The following SINHCAF variants were observed in gnomAD, a reference collection of about 807,000 sequenced individuals.
SINHCAF encodes the protein SIN3-HDAC complex-associated factor.
Under a neutral mutation model 25.8 loss-of-function variants are expected in SINHCAF, and 3 were observed. The observed-to-expected ratio is 0.12, with a 90% confidence interval of 0.05 to 0.30. The LOEUF (loss-of-function observed/expected upper bound fraction) is 0.30, where lower values mean the gene tolerates loss of function less well. SINHCAF is among the 10% of genes least tolerant of loss of function. SINHCAF has a pLI of 1.00. For missense variants in SINHCAF, 121 were observed against 262.3 expected (o/e 0.46, Z 3.72); for synonymous variants, 70 against 85.5 (o/e 0.82, Z 1.00).
chr12:31,316,893 A>T (rs949008383), intron 1 of SINHCAF, among the ~76,000 whole-genome samples: 1 of 152,200 alleles, frequency 6.6e-6, no homozygotes, highest in African/African-American at 2.4e-5. Context: ...AAATCTTTAT[A>T]AGGGTGTTAA....
rs574363491 is a variant in SINHCAF, at chr12:31,307,926, T to C, written c.-20-9702A>G. On this transcript the variant is annotated intron_variant, in intron 1 of 5. Transcript: ENST00000337682. ...AGAGAAAGTTCATAGTTTGGGTGTC[T>C]TATTGCTGGGGCATTTATTAACCTT... Among the ~76,000 whole-genome samples, 3 of 152,234 alleles carry C rather than the reference T, an allele frequency of 2.0e-5. No homozygotes were observed. The East Asian group carries it at 5.8e-4, about 29-fold the overall frequency.
intron 4 of SINHCAF, 34 bp downstream of exon 4, chr12:31,293,771 T>G: frequency 6.4e-7 from 1 of 1,552,286 alleles, no homozygotes; most frequent in Non-Finnish European, 8.7e-7. Flanking sequence ...AACAAAACAA[T>G]TATTAAGTAC....
intron 1 of SINHCAF, chr12:31,304,100 A>ATT (rs1466736271): frequency 1.4e-5 from 2 of 143,966 alleles, no homozygotes; most frequent in African/African-American, 5.3e-5. Flanking sequence ...AACCTAGGCG[A>ATT]AAGAGCAAGA....
At chr12:31,293,151 C>T (rs1477674468) in intron 4 of SINHCAF, among the ~76,000 whole-genome samples, 1 of 151,736 alleles carries the variant, frequency 6.6e-6, no homozygotes, top group East Asian at 1.9e-4. Flanking sequence ...TCCTTCAAAC[C>T]CCAAGGGTAA....
At chr12:31,303,842 A>G (rs1432191763) in intron 1 of SINHCAF, 1 of 152,224 alleles carries the variant, frequency 6.6e-6, no homozygotes, top group Non-Finnish European at 1.5e-5. Context: ...ACTGGAAGAA[A>G]TAGGAAGCCA....
intron 1 of SINHCAF, among the ~76,000 whole-genome samples, chr12:31,314,127 G>A (rs1255418399): frequency 3.3e-5 from 5 of 151,960 alleles, no homozygotes; most frequent in African/African-American, 1.2e-4. Flanking sequence ...ACAAGAGCAG[G>A]GGCCTTTGGA....
At chr12:31,284,466 G>A (rs1937949384) in intron 5 of SINHCAF, among the ~76,000 whole-genome samples, 1 of 151,678 alleles carries the variant, frequency 6.6e-6, no homozygotes, top group African/African-American at 2.4e-5. Flanking sequence ...TTTCTTTATG[G>A]TATTATTTGA....
intron 1 of SINHCAF, among the ~76,000 whole-genome samples, chr12:31,316,100 G>A (rs1939485656): frequency 6.6e-6 from 1 of 152,014 alleles, no homozygotes; most frequent in South Asian, 2.1e-4. Flanking sequence ...AACCCGGGAG[G>A]CAGAGTATGC....
intron 5 of SINHCAF, among the ~76,000 whole-genome samples, chr12:31,287,042 A>G (rs2137072359): frequency 6.6e-6 from 1 of 152,264 alleles, no homozygotes; most frequent in East Asian, 1.9e-4. Context: ...TTGGCCTCTC[A>G]AAATGCTAGG....
intron 4 of SINHCAF, among the ~76,000 whole-genome samples, chr12:31,292,034 C>T (rs1256550260): frequency 6.6e-6 from 1 of 152,172 alleles, no homozygotes; most frequent in Admixed American, 6.5e-5. Flanking sequence ...CTACACAGCA[C>T]AGTTTCATAA....
intron 2 of SINHCAF, chr12:31,297,057 A>G (rs753486977): frequency 4.8e-6 from 2 of 413,238 alleles, no homozygotes. Flanking sequence ...TTAAAAAAGA[A>G]AAGAAAAAAA....
intron 1 of SINHCAF, among the ~76,000 whole-genome samples, chr12:31,318,154 G>T (rs755282024): frequency 6.6e-6 from 1 of 152,124 alleles, no homozygotes; most frequent in African/African-American, 2.4e-5. Context: ...TTCACAAACG[G>T]TCAACAGGAC....
chr12:31,306,407 G>A (rs1218141227), intron 1 of SINHCAF, among the ~76,000 whole-genome samples: 1 of 152,162 alleles, frequency 6.6e-6, no homozygotes, highest in Non-Finnish European at 1.5e-5. Flanking sequence ...AATGGGTCAA[G>A]CTGTAAATGT....
At chr12:31,286,486 A>G (rs1038604332) in intron 5 of SINHCAF, among the ~76,000 whole-genome samples, 1 of 151,914 alleles carries the variant, frequency 6.6e-6, no homozygotes, top group Non-Finnish European at 1.5e-5. Context: ...ACATGGTGAA[A>G]CCCCTTTTCT....
chr12:31,282,896 A>G, intron 5 of SINHCAF, 25 bp from the exon 6 acceptor site: 2 of 1,543,984 alleles, frequency 1.3e-6, no homozygotes, highest in Non-Finnish European at 8.8e-7. Context: ...GGAGAACAAG[A>G]TACATTAATA....
chr12:31,317,159 C>T (rs1939525996), intron 1 of SINHCAF, among the ~76,000 whole-genome samples: 1 of 152,130 alleles, frequency 6.6e-6, no homozygotes, highest in Non-Finnish European at 1.5e-5. Context: ...AATAGTCAAA[C>T]GTGGTAAATA....
intron 3 of SINHCAF, among the ~76,000 whole-genome samples, chr12:31,294,600 T>A (rs1938472833): frequency 6.6e-6 from 1 of 152,210 alleles, no homozygotes; most frequent in Non-Finnish European, 1.5e-5. Flanking sequence ...TTCACATTTA[T>A]TAGCTGCAGA....
intron 1 of SINHCAF, chr12:31,303,323 T>G: frequency 1.4e-6 from 1 of 717,442 alleles, no homozygotes; most frequent in Non-Finnish European, 1.7e-6. Context: ...GGAAGGCTCA[T>G]TCCCAGGAAG....
At position 31,285,418 on chromosome 12, in the gene SINHCAF, T is replaced by TACACACACACACACAC. The variant is rs71444392; in HGVS notation, c.506+2200_506+2215dup. On this transcript the variant is annotated intron_variant, in intron 5 of 5. Transcript: ENST00000337682. ...ATAGACATATATTTATATATATACA[T>TACACACACACACACAC]ACACACACACACACACACACACACA... Among the ~76,000 whole-genome samples the TACACACACACACACAC allele has an allele frequency of 4.5e-3, 634 of 141,428 alleles. 8 individuals are homozygous for TACACACACACACACAC. The highest frequency in any genetic ancestry group is 6.4e-3 in the Non-Finnish European group (420 of 65,524). The allele number at this position is 141,428 out of a possible 152,430, so 92.8% of individuals were successfully genotyped here.
Sources: gnomAD v4.1 joint callset for allele counts (sites outside exome capture counted in the v4.1 genomes callset) on GRCh38, gnomAD v4.1.1 for gene constraint, MANE v1.5 for transcripts, NCBI Gene and HGNC (gene_info 2026-07-23, HGNC 2026-07-21) for gene names.